The following SLC14A2 variants were observed in gnomAD, a reference collection of about 807,000 sequenced individuals.
SLC14A2 encodes solute carrier family 14 member 2, also known as urea transporter 2.
In SLC14A2, 91 loss-of-function variants were observed where a neutral mutation model predicts 104.6. The ratio of observed to expected loss-of-function variants is 0.87; its 90% CI spans 0.73 to 1.04. The LOEUF (loss-of-function observed/expected upper bound fraction) is 1.04. SLC14A2 is among the 50% of genes least tolerant of loss of function. SLC14A2 has a pLI of 0.00. For missense variants in SLC14A2, 1,189 were observed against 1,156.0 expected, an observed-to-expected ratio of 1.03 and a Z score of -0.41; for synonymous variants, 476 against 466.4, an observed-to-expected ratio of 1.02 and a Z score of -0.27.
At chr18:45,486,851 A>G (rs1035685240) in intron 2 of SLC14A2, among the ~76,000 whole-genome samples, 1 of 152,228 alleles carries the variant, frequency 6.6e-6, no homozygotes, top group Non-Finnish European at 1.5e-5. Flanking sequence ...AGTTAGAATG[A>G]AAAAATGTCA....
At chr18:45,509,748 C>A (rs1248020404) in intron 2 of SLC14A2, among the ~76,000 whole-genome samples, 24 of 152,136 alleles carry the variant, frequency 1.6e-4, no homozygotes, top group Admixed American at 1.6e-3. Context: ...TTCCAGGGGC[C>A]AAAGCCCTTG....
At chr18:45,382,481 T>C (rs1464481307) in intron 1 of SLC14A2, among the ~76,000 whole-genome samples, 2 of 152,196 alleles carry the variant, frequency 1.3e-5, no homozygotes, top group African/African-American at 4.8e-5. Flanking sequence ...TGACTTGGTC[T>C]GCAATACATT....
intron 2 of SLC14A2, among the ~76,000 whole-genome samples, chr18:45,513,413 G>A (rs62093099): frequency 0.13 from 20,431 of 152,108 alleles, 1,513 homozygotes; most frequent in Middle Eastern, 0.23. Context: ...AAGTTAGAGG[G>A]AATGTATACC....
At chr18:45,469,626 G>A (rs1430229258) in intron 1 of SLC14A2, among the ~76,000 whole-genome samples, 1 of 152,188 alleles carries the variant, frequency 6.6e-6, no homozygotes, top group African/African-American at 2.4e-5. Context: ...TGTATTAATT[G>A]TTTCCTGTGC....
intron 1 of SLC14A2, among the ~76,000 whole-genome samples, chr18:45,624,087 C>T (rs1473445457): frequency 6.6e-6 from 1 of 152,078 alleles, no homozygotes; most frequent in Non-Finnish European, 1.5e-5. Context: ...GCACACAGCT[C>T]ATGGAAGAAT....
At chr18:45,400,278 T>C (rs956680110) in intron 1 of SLC14A2, among the ~76,000 whole-genome samples, 3 of 152,184 alleles carry the variant, frequency 2.0e-5, no homozygotes, top group African/African-American at 7.2e-5. Context: ...TCCTTCACTC[T>C]TTACTTGAGT....
chr18:45,609,659 T>C (rs2044937886), intron 2 of SLC14A2, among the ~76,000 whole-genome samples: 1 of 152,238 alleles, frequency 6.6e-6, no homozygotes, highest in Non-Finnish European at 1.5e-5. Context: ...ATAACCGATC[T>C]GTCTCTCCTC....
intron 1 of SLC14A2, among the ~76,000 whole-genome samples, chr18:45,311,525 C>T (rs1365375688): frequency 1.3e-5 from 2 of 152,290 alleles, no homozygotes; most frequent in Middle Eastern, 3.4e-3. Flanking sequence ...TACTCTACTC[C>T]GCAACTATAA....
At chr18:45,372,694 G>A (rs2085735996) in intron 1 of SLC14A2, among the ~76,000 whole-genome samples, 3 of 152,128 alleles carry the variant, frequency 2.0e-5, no homozygotes, top group Admixed American at 6.5e-5. Context: ...GGATACTTGT[G>A]CCAATAATCC....
chr18:45,253,641 A>G (rs553180111), intron 1 of SLC14A2, among the ~76,000 whole-genome samples: 2 of 152,290 alleles, frequency 1.3e-5, no homozygotes, highest in African/African-American at 4.8e-5. Flanking sequence ...TTTTCATTTA[A>G]TCATTTTTAT....
At chr18:45,531,025 G>T (rs969317416) in intron 2 of SLC14A2, among the ~76,000 whole-genome samples, 1 of 152,180 alleles carries the variant, frequency 6.6e-6, no homozygotes, top group Non-Finnish European at 1.5e-5. Context: ...CAAAGGACAT[G>T]AACTCATCAT....
intron 1 of SLC14A2, among the ~76,000 whole-genome samples, chr18:45,459,152 G>C (rs1332441168): frequency 1.3e-5 from 2 of 152,172 alleles, no homozygotes; most frequent in African/African-American, 4.8e-5. Context: ...AAGGGCACCA[G>C]CCAAGCTTGG....
chr18:45,185,170 T>C, the SLC14A2 span, among the ~76,000 whole-genome samples: 3 of 152,278 alleles, frequency 2.0e-5, no homozygotes, highest in South Asian at 4.2e-4. Flanking sequence ...CCAGAAACAT[T>C]TGTGTCTCAG....
chr18:45,668,075 T>C (rs2046060734), intron 14 of SLC14A2, 53 bp downstream of exon 14: 3 of 1,525,732 alleles, frequency 2.0e-6, no homozygotes, highest in Admixed American at 1.7e-5. Flanking sequence ...TCACTCCCCA[T>C]GGGGACCATT....
chr18:45,491,225 A>G (rs2042993970), intron 2 of SLC14A2, among the ~76,000 whole-genome samples: 1 of 152,212 alleles, frequency 6.6e-6, no homozygotes, highest in Non-Finnish European at 1.5e-5. Context: ...CAATAGAGCA[A>G]TGGGAAAACA....
intron 2 of SLC14A2, among the ~76,000 whole-genome samples, chr18:45,498,706 C>T (rs1283994544): frequency 6.6e-6 from 1 of 152,132 alleles, no homozygotes; most frequent in Non-Finnish European, 1.5e-5. Context: ...CTCTCCCTTT[C>T]AATTAGTCTT....
At chr18:45,329,464 T>C (rs749362993) in intron 1 of SLC14A2, among the ~76,000 whole-genome samples, 3 of 152,200 alleles carry the variant, frequency 2.0e-5, no homozygotes, top group Non-Finnish European at 2.9e-5. Context: ...TAGAAAAGAC[T>C]GTGTCCCAGG....
rs1319368028 is a variant in SLC14A2 at position 45,235,832 on chromosome 18, CGT to C, written c.-125+22644_-125+22645del. On this transcript the variant is annotated intron_variant, in intron 1 of 20. Transcript: ENST00000586448. The stretch of plus-strand genomic sequence containing the variant: ...GTGTGTGTATATATATATATATATA[CGT>C]GTATATATATATGTATATATACATA... 1.1e-4 allele frequency among the ~76,000 whole-genome samples: 8 copies of C among 71,868 alleles called. 1 individual carries two copies. In the South Asian group the frequency reaches 1.1e-3, roughly 10 times the overall value. 47.1% of individuals were successfully genotyped at this position (71,868 alleles called of 152,430 possible). A position where few individuals can be genotyped will look rare whatever the true frequency, so the allele number is the denominator to read the frequency against.
At chr18:45,403,670 T>A (rs898141542) in intron 1 of SLC14A2, among the ~76,000 whole-genome samples, 8 of 151,740 alleles carry the variant, frequency 5.3e-5, no homozygotes, top group African/African-American at 1.9e-4. Flanking sequence ...ACCCTGTAAC[T>A]CTGGGGAAAA....
Sources: gnomAD v4.1 joint callset for allele counts (sites outside exome capture counted in the v4.1 genomes callset) on GRCh38, gnomAD v4.1.1 for gene constraint, MANE v1.5 for transcripts, NCBI Gene and HGNC (gene_info 2026-07-23, HGNC 2026-07-21) for gene names.